TBC1D30: variants seen among roughly 807,000 people sequenced by gnomAD.
TBC1D30 encodes TBC1 domain family, member 30.
In TBC1D30, 31 loss-of-function variants were observed where a neutral mutation model predicts 63.2. That is an observed-to-expected ratio of 0.49 (90% CI 0.37 to 0.66). The LOEUF is 0.66. TBC1D30 is among the 30% of genes least tolerant of loss of function. The pLI is 0.00. For synonymous variants in TBC1D30, 307 were observed against 361.5 expected, an observed-to-expected ratio of 0.85 and a Z score of 1.71; for missense variants, 810 against 953.6, an observed-to-expected ratio of 0.85 and a Z score of 1.98.
chr12:64,862,001 A>G (rs1408481117), intron 8 of TBC1D30, among the ~76,000 whole-genome samples: 1 of 152,238 alleles, frequency 6.6e-6, no homozygotes, highest in African/African-American at 2.4e-5. Context: ...GTGTGTGCCC[A>G]TAACTGAAAG....
intron 1 of TBC1D30, among the ~76,000 whole-genome samples, chr12:64,783,075 T>C (rs781477531): frequency 2.4e-4 from 36 of 152,348 alleles, no homozygotes; most frequent in Non-Finnish European, 5.0e-4. Flanking sequence ...ATAACTACTC[T>C]GCATTCAGTA....
chr12:64,832,402 G>A, intron 5 of TBC1D30, 98 bp downstream of exon 5: 1 of 1,257,468 alleles, frequency 8.0e-7, no homozygotes, highest in Non-Finnish European at 1.1e-6. Context: ...CTTTTCCAAG[G>A]TGTTTGCCAC....
chr12:64,836,353 T>G, intron 5 of TBC1D30, 137 bp from the exon 6 acceptor site: 4 of 634,584 alleles, frequency 6.3e-6, no homozygotes, highest in Non-Finnish European at 5.2e-6. Context: ...ATCTGGAACA[T>G]TTGGTACTGA....
chr12:64,830,319 T>G, intron 3 of TBC1D30, 58 bp from the exon 4 acceptor site: 1 of 1,455,510 alleles, frequency 6.9e-7, no homozygotes, highest in Non-Finnish European at 9.2e-7. Flanking sequence ...TACTTTCTAA[T>G]AAAGGTGAAG....
chr12:64,796,036 CTT>C (rs1416562794), intron 2 of TBC1D30, among the ~76,000 whole-genome samples: 1 of 151,910 alleles, frequency 6.6e-6, no homozygotes, highest in African/African-American at 2.4e-5. Context: ...CCTGAAATAA[CTT>C]AGAATATGAC....
intron 8 of TBC1D30, among the ~76,000 whole-genome samples, chr12:64,851,984 C>T (rs1270581909): frequency 2.6e-5 from 4 of 152,068 alleles, no homozygotes; most frequent in African/African-American, 2.4e-5. Flanking sequence ...GTGAATCTGA[C>T]GATTATGTGT....
upstream of TBC1D30, among the ~76,000 whole-genome samples, chr12:64,778,606 G>T (rs1026973003): frequency 7.0e-6 from 1 of 143,704 alleles, no homozygotes; most frequent in African/African-American, 2.6e-5. Context: ...ACCCAGGCTG[G>T]AATGCAGTGG....
At chr12:64,786,291 A>C (rs1401679836) in intron 2 of TBC1D30, among the ~76,000 whole-genome samples, 2 of 152,134 alleles carry the variant, frequency 1.3e-5, no homozygotes, top group Admixed American at 6.5e-5. Context: ...TTTGACAATA[A>C]TTTTACCTAA....
chr12:64,854,499 T>C (rs1170114116), intron 8 of TBC1D30, among the ~76,000 whole-genome samples: 1 of 98,504 alleles, frequency 1.0e-5, no homozygotes, highest in African/African-American at 2.5e-4. Flanking sequence ...TTTTTCTTTC[T>C]TTTTTTTTTT....
chr12:64,844,823 C>T (rs1592627266), intron 8 of TBC1D30, among the ~76,000 whole-genome samples: 1 of 152,066 alleles, frequency 6.6e-6, no homozygotes, highest in South Asian at 2.1e-4. Context: ...ACCTCCATTT[C>T]CATCCACAAA....
At chr12:64,859,651 A>T (rs1877609644) in intron 8 of TBC1D30, among the ~76,000 whole-genome samples, 1 of 152,226 alleles carries the variant, frequency 6.6e-6, no homozygotes, top group Non-Finnish European at 1.5e-5. Context: ...AGGGCAACCC[A>T]TAATCTCCTG....
rs1458966124 is a variant in TBC1D30 at position 64,876,947 on chromosome 12, C to T, written c.*1159C>T. The T allele has an allele frequency of 3.3e-5, 15 of 455,598 alleles. No homozygotes were observed. The highest frequency in any genetic ancestry group is 7.8e-5 in the South Asian group (5 of 64,492). 28.2% of individuals were successfully genotyped at this position (455,598 alleles called of 1,614,324 possible). The stretch of plus-strand genomic sequence containing the variant: ...TTCAGTTACTCAAGGTCAGTACTCT[C>T]GGTATTCCAAGTGACTTAGCCACAT... On this transcript the variant is annotated 3_prime_UTR_variant, in exon 12 of 12. Transcript: ENST00000539867.
chr12:64,797,380 G>T (rs998202916), intron 2 of TBC1D30, among the ~76,000 whole-genome samples: 12 of 152,180 alleles, frequency 7.9e-5, no homozygotes, highest in Non-Finnish European at 1.5e-4. Context: ...ACTCTGCTTA[G>T]AGTTTATGGT....
intron 2 of TBC1D30, among the ~76,000 whole-genome samples, chr12:64,802,806 T>C (rs1872657984): frequency 6.6e-6 from 1 of 152,166 alleles, no homozygotes; most frequent in Non-Finnish European, 1.5e-5. Context: ...TTCATCCATG[T>C]CCCTACAAAG....
At chr12:64,854,632 C>A (rs544745426) in intron 8 of TBC1D30, among the ~76,000 whole-genome samples, 1 of 151,986 alleles carries the variant, frequency 6.6e-6, no homozygotes, top group Non-Finnish European at 1.5e-5. Flanking sequence ...GTAGCTGGGA[C>A]TATAGGCGCC....
chr12:64,868,599 C>A, intron 10 of TBC1D30: 1 of 316,104 alleles, frequency 3.2e-6, no homozygotes, highest in Non-Finnish European at 6.0e-6. Flanking sequence ...AAACTTCTTT[C>A]TCAGGTGCTT....
At chr12:64,772,971 C>G (rs558156044) in intron 1 of TBC1D30, among the ~76,000 whole-genome samples, 3 of 152,214 alleles carry the variant, frequency 2.0e-5, no homozygotes, top group South Asian at 2.1e-4. Context: ...TAGATACCCA[C>G]AATTCCTGTA....
In TBC1D30 at chr12:64,761,392, A is replaced by T. The variant is rs1002514365; in HGVS notation, c.-376+1743A>T. Among the ~76,000 whole-genome samples the T allele has an allele frequency of 5.9e-5, 9 of 152,320 alleles. No individual in the cohort carries two copies. The South Asian group carries it at 1.9e-3, about 32-fold the overall frequency. On this transcript the variant is annotated intron_variant, in intron 1 of 13. Coordinates refer to the TBC1D30 transcript ENST00000674237. ...CTCCATCTTGAAAAGGGGCTGAGTA[A>T]AATAAGCCTGAGGCCTGCTATGCTG... is the stretch of plus-strand genomic sequence containing the variant.
At position 64,781,380 on chromosome 12, in the gene TBC1D30, C is replaced by A. The variant is rs749613201; in HGVS notation, c.478+94C>A. Reference sequence around the variant, plus strand: ...CGCTCCAGCGCGCACCTGGGCTGCTCGGCGGAGCGCTCAGATACTGTCTCT... The same window carrying A: ...CGCTCCAGCGCGCACCTGGGCTGCTAGGCGGAGCGCTCAGATACTGTCTCT... On this transcript the variant is annotated intron_variant, in intron 1 of 12. Transcript: ENST00000542120. The A allele has an allele frequency of 7.9e-6, 8 of 1,008,446 alleles. No homozygotes were observed. In the East Asian group the frequency reaches 5.6e-4, roughly 71 times the overall value. The allele number at this position is 1,008,446 out of a possible 1,614,324, so 62.5% of individuals were successfully genotyped here.
Sources: allele counts gnomAD v4.1 joint callset (sites outside exome capture counted in the v4.1 genomes callset), GRCh38; gene constraint gnomAD v4.1.1; transcripts MANE v1.5; gene names NCBI Gene and HGNC (gene_info 2026-07-23, HGNC 2026-07-21).